Variants in CLASP1 observed in about 807,000 individuals in gnomAD.
CLASP1 encodes the protein CLIP-associating protein 1.
A neutral mutation model predicts 192.3 loss-of-function variants in CLASP1; 38 were observed. That is an observed-to-expected ratio of 0.20 (90% CI 0.15 to 0.26). The LOEUF is 0.26. CLASP1 is among the 10% of genes least tolerant of loss of function. The pLI is 1.00. For missense variants in CLASP1, 1,433 were observed against 1,932.5 expected (o/e 0.74, Z 4.85); for synonymous variants, 691 against 712.8 (o/e 0.97, Z 0.49).
At chr2:121,590,202 C>G (rs892376920) in intron 2 of CLASP1, among the ~76,000 whole-genome samples, 2 of 152,146 alleles carry the variant, frequency 1.3e-5, no homozygotes, top group Non-Finnish European at 2.9e-5. Flanking sequence ...TATGGAGGCA[C>G]TCCTGCAACA....
chr2:121,527,293 A>T (rs530117699), intron 5 of CLASP1, among the ~76,000 whole-genome samples: 2 of 152,378 alleles, frequency 1.3e-5, no homozygotes, highest in Non-Finnish European at 1.5e-5. Context: ...ATACCAAGGA[A>T]TTCTATTTAG....
Position 121,630,381 on chromosome 2 carries a change from AACACACACAC to A in CLASP1, c.-286+18981_-286+18990del, listed in dbSNP as rs60827939. 2.7e-3 allele frequency among the ~76,000 whole-genome samples: 377 copies of A among 139,060 alleles called. 1 individual carries two copies. The highest frequency in any genetic ancestry group is 4.3e-3 in the African/African-American group (159 of 37,348). 91.2% of individuals were successfully genotyped at this position (139,060 alleles called of 152,430 possible). On this transcript the variant is annotated intron_variant, in intron 1 of 39. Transcript: ENST00000263710. ...TTGGTAGATCACCATATTGGAAAGA[AACACACACAC>A]ACACACACACACACACACACACACA...
At chr2:121,459,191 G>A (rs924890261) in intron 12 of CLASP1, among the ~76,000 whole-genome samples, 1 of 151,530 alleles carries the variant, frequency 6.6e-6, no homozygotes, top group Non-Finnish European at 1.5e-5. Context: ...CTAGTCTGTG[G>A]AGCTTTTTGT....
intron 2 of CLASP1, chr2:121,530,702 G>A (rs1189382427): frequency 3.9e-6 from 2 of 513,764 alleles, no homozygotes; most frequent in South Asian, 3.0e-5. Context: ...AAACCGAGCC[G>A]CCGCTTTTGC....
chr2:121,447,853 T>G (rs941872687), intron 18 of CLASP1, among the ~76,000 whole-genome samples: 1 of 152,124 alleles, frequency 6.6e-6, no homozygotes, highest in African/African-American at 2.4e-5. Flanking sequence ...ATGACATAAC[T>G]GTGCCACGCC....
At chr2:121,392,523 G>GC (rs2074553043) in intron 30 of CLASP1, among the ~76,000 whole-genome samples, 1 of 152,156 alleles carries the variant, frequency 6.6e-6, no homozygotes, top group Non-Finnish European at 1.5e-5. Context: ...CAATCCTCCT[G>GC]CCTCAGCCTC....
chr2:121,352,068 G>A (rs1253361901), intron 37 of CLASP1, among the ~76,000 whole-genome samples: 1 of 152,214 alleles, frequency 6.6e-6, no homozygotes, highest in Non-Finnish European at 1.5e-5. Flanking sequence ...CAGAGGGCCA[G>A]CATGAGGGTG....
At chr2:121,501,235 T>G (rs543490729) in intron 8 of CLASP1, among the ~76,000 whole-genome samples, 1 of 152,158 alleles carries the variant, frequency 6.6e-6, no homozygotes, top group African/African-American at 2.4e-5. Context: ...TCTGTCCTAG[T>G]GCCAACAATT....
chr2:121,517,891 T>TTTTTTTA (rs2094351427), intron 6 of CLASP1, among the ~76,000 whole-genome samples: 5 of 75,174 alleles, frequency 6.7e-5, no homozygotes, highest in African/African-American at 1.9e-4. Context: ...TTTTTTTTTT[T>TTTTTTTA]AGAAAAAGGA....
intron 2 of CLASP1, among the ~76,000 whole-genome samples, chr2:121,535,606 A>G (rs1263205680): frequency 2.0e-5 from 3 of 152,172 alleles, no homozygotes. Flanking sequence ...TAAAAAGAAG[A>G]AATGAGAGAC....
rs568216932 is a variant in CLASP1 at position 121,367,349 on chromosome 2, C to T, written c.3886+239G>A. ...CTGTGGCAGTGGCTACTTCATATCA[C>T]GTGTGACTGTTTATTTCCTCACTGC... On this transcript the variant is annotated intron_variant, in intron 35 of 39. Transcript: ENST00000263710. 3.1e-4 allele frequency among the ~76,000 whole-genome samples: 47 copies of T among 152,314 alleles called. 1 individual carries two copies. Among genetic ancestry groups the T allele is most frequent in the African/African-American group, 9.1e-4 (38 of 41,570 alleles).
chr2:121,460,308 A>G (rs2087635594), intron 11 of CLASP1, among the ~76,000 whole-genome samples, 183 bp from the exon 12 acceptor site: 1 of 152,228 alleles, frequency 6.6e-6, no homozygotes. Context: ...CATATCACAA[A>G]TAAGACTAAA....
intron 8 of CLASP1, among the ~76,000 whole-genome samples, chr2:121,492,913 T>C (rs1444983622): frequency 6.6e-6 from 1 of 152,178 alleles, no homozygotes; most frequent in East Asian, 1.9e-4. Context: ...TAGACAAAGG[T>C]AGAAACAATC....
chr2:121,579,681 A>C (rs766934543), intron 2 of CLASP1, among the ~76,000 whole-genome samples: 1 of 152,226 alleles, frequency 6.6e-6, no homozygotes, highest in Non-Finnish European at 1.5e-5. Context: ...ATAAATAAGC[A>C]TCTTCCTCTT....
At chr2:121,402,092 C>T (rs2076229635) in intron 26 of CLASP1, among the ~76,000 whole-genome samples, 2 of 152,154 alleles carry the variant, frequency 1.3e-5, no homozygotes, top group Admixed American at 6.5e-5. Flanking sequence ...TCTTAAACAA[C>T]AACAAATCCT....
At chr2:121,599,185 T>C in intron 2 of CLASP1, among the ~76,000 whole-genome samples, 1 of 151,662 alleles carries the variant, frequency 6.6e-6, no homozygotes, top group East Asian at 1.9e-4. Context: ...AATAAGCCAT[T>C]GAGCTGACAT....
intron 36 of CLASP1, 28 bp downstream of exon 37, chr2:121,365,066 G>A (rs763499127): frequency 3.1e-6 from 5 of 1,610,100 alleles, no homozygotes; most frequent in Admixed American, 3.3e-5. Context: ...ATGGAAAGGG[G>A]CAAGATAAGG....
rs567191862 is a variant in CLASP1, at chr2:121,472,384, CG to C, written c.713-2425del. Among the ~76,000 whole-genome samples the C allele has an allele frequency of 7.6e-4, 115 of 152,252 alleles. 2 individuals carry two copies. The East Asian group carries it at 0.021, about 27-fold the overall frequency. On this transcript the variant is annotated intron_variant, in intron 8 of 39. Coordinates refer to ENST00000263710, the Ensembl canonical transcript of CLASP1. ...AGAACTACGTGCAGGCACCGGACAA[CG>C]GGCAGTTCAGAACTTGGCTGTTCAG... is the stretch of plus-strand genomic sequence containing the variant.
At position 121,605,693 on chromosome 2, in the gene CLASP1, C is replaced by G. The variant is rs1426244145; in HGVS notation, c.195+8G>C. 1 of 1,612,890 alleles carries G rather than the reference C, an allele frequency of 6.2e-7. No homozygotes were observed. Among genetic ancestry groups the G allele is most frequent in the South Asian group, 1.1e-5 (1 of 91,048 alleles). On this transcript the variant is annotated splice_region_variant and intron_variant, in intron 2 of 39. Coordinates refer to ENST00000263710, the Ensembl canonical transcript of CLASP1. Reference sequence around the variant, plus strand: ...ACCTCCAAAAGTGCCTTCTAAAGCACAGCTTACCTTGTAATTGCTAGAGTT... The same window carrying G: ...ACCTCCAAAAGTGCCTTCTAAAGCAGAGCTTACCTTGTAATTGCTAGAGTT...
Sources: allele counts gnomAD v4.1 joint callset (sites outside exome capture counted in the v4.1 genomes callset), GRCh38; gene constraint gnomAD v4.1.1; transcripts MANE v1.5; gene names NCBI Gene and HGNC (gene_info 2026-07-23, HGNC 2026-07-21).